BTBD7: variants seen among roughly 807,000 people sequenced by gnomAD.
BTBD7 encodes the protein BTB domain containing 7.
BTBD7 carries 38 observed loss-of-function variants against 99.9 expected under a neutral mutation model. The observed-to-expected ratio is 0.38, with a 90% confidence interval of 0.29 to 0.50. The LOEUF is 0.50. Ranked by LOEUF, BTBD7 falls within the 20% of genes least tolerant of loss-of-function variation. The pLI, the probability that BTBD7 is intolerant of heterozygous loss-of-function variation, is 0.93. For synonymous variants in BTBD7, 520 were observed against 511.4 expected (o/e 1.02, Z -0.23); for missense variants, 1,170 against 1,394.6 (o/e 0.84, Z 2.57).
intron 1 of BTBD7, among the ~76,000 whole-genome samples, chr14:93,314,701 G>A (rs750549146): frequency 2.1e-4 from 32 of 152,242 alleles, no homozygotes; most frequent in Non-Finnish European, 4.4e-5. Context: ...TGGGTTAAAG[G>A]ATATACATGT....
intron 1 of BTBD7, 137 bp from the exon 2 acceptor site, chr14:93,296,294 A>T: frequency 1.7e-6 from 1 of 578,890 alleles, no homozygotes; most frequent in South Asian, 4.9e-5. Flanking sequence ...AAATTTTCAT[A>T]AAATGTAAAT....
rs2052891360 is a variant in BTBD7 at position 93,294,040 on chromosome 14, A to G, written c.980T>C (p.Val327Ala). The G allele has an allele frequency of 6.2e-7, 1 of 1,613,848 alleles. No individual in the cohort carries two copies. The highest frequency in any genetic ancestry group is 1.3e-5 in the African/African-American group (1 of 74,896). Residue 327 changes from valine to alanine, a missense_variant, in exon 3 of 11, where the codon GTG (valine) becomes GCG (alanine). Physicochemically the swap from Val to Ala is moderately conservative, Grantham distance 64. Around this residue, in one of 4 missense-constraint regions of BTBD7, gnomAD observed 359 missense variants for 497.9 expected, o/e 0.72. Transcript: ENST00000334746. The part of the protein sequence containing the change: ...ESIIPKKYAT[V>A]ILHCMYTDVV... ...GTCGGTATACATACAGTGTAATATCACTGTTGCATATTTTTTTGGTATAAT... is the reference window on the plus strand; with the variant it reads ...GTCGGTATACATACAGTGTAATATCGCTGTTGCATATTTTTTTGGTATAAT...
chr14:93,322,289 CT>C (rs956506735), intron 1 of BTBD7, among the ~76,000 whole-genome samples: 6 of 148,834 alleles, frequency 4.0e-5, no homozygotes, highest in Admixed American at 6.7e-5. Context: ...AATTTTTAAA[CT>C]TTTTTTTTTG....
chr14:93,270,686 C>T (rs1391813068), intron 3 of BTBD7, among the ~76,000 whole-genome samples: 3 of 147,752 alleles, frequency 2.0e-5, no homozygotes, highest in Admixed American at 1.3e-4. Context: ...CAGAGCGAGA[C>T]TCTTGTCTCA....
At chr14:93,302,919 A>G (rs1021810469) in intron 1 of BTBD7, among the ~76,000 whole-genome samples, 5 of 148,616 alleles carry the variant, frequency 3.4e-5, no homozygotes, top group Non-Finnish European at 5.9e-5. Context: ...AGGCTGAGGC[A>G]AGAGGATCGT....
At chr14:93,300,772 G>GTGTATA (rs1438410480) in intron 1 of BTBD7, among the ~76,000 whole-genome samples, 11 of 67,864 alleles carry the variant, frequency 1.6e-4, no homozygotes, top group East Asian at 8.8e-4. Context: ...GTGTGTGTGT[G>GTGTATA]TATATATATA....
chr14:93,332,302 A>ACCCGGACAATCTAACTTC (rs2053443370), intron 1 of BTBD7: 1 of 152,234 alleles, frequency 6.6e-6, no homozygotes, highest in Non-Finnish European at 1.5e-5. Flanking sequence ...ATAGTAACTT[A>ACCCGGACAATCTAACTTC]CCCGGACAAT....
chr14:93,288,230 T>A (rs1424781953), intron 3 of BTBD7: 2 of 413,088 alleles, frequency 4.8e-6, no homozygotes, highest in African/African-American at 4.1e-5. Context: ...ACTCCTTAGA[T>A]ACTGTCTTCT....
At chr14:93,253,108 G>A (rs947065085) in intron 7 of BTBD7, among the ~76,000 whole-genome samples, 8 of 152,088 alleles carry the variant, frequency 5.3e-5, no homozygotes, top group African/African-American at 9.7e-5. Context: ...TCACATTACC[G>A]TATTTTCTGG....
chr14:93,324,925 A>G (rs2053310566), intron 1 of BTBD7, among the ~76,000 whole-genome samples: 1 of 152,166 alleles, frequency 6.6e-6, no homozygotes. Flanking sequence ...TAGGCAAAGA[A>G]TAAGAACTCC....
At chr14:93,320,427 T>C (rs760099931) in intron 1 of BTBD7, among the ~76,000 whole-genome samples, 29 of 152,156 alleles carry the variant, frequency 1.9e-4, no homozygotes, top group Admixed American at 1.3e-4. Context: ...AACAAAGAAT[T>C]ACCTGGCCCC....
At chr14:93,272,903 G>GAC (rs1228264879) in intron 3 of BTBD7, among the ~76,000 whole-genome samples, 2 of 152,152 alleles carry the variant, frequency 1.3e-5, no homozygotes, top group African/African-American at 2.4e-5. Flanking sequence ...TCAGCTCAAT[G>GAC]ACACACTCTT....
intron 5 of BTBD7, among the ~76,000 whole-genome samples, chr14:93,258,222 T>C (rs1030615582): frequency 1.3e-5 from 2 of 149,222 alleles, no homozygotes; most frequent in African/African-American, 4.9e-5. Flanking sequence ...TGTGTGTGTA[T>C]GAGAGAGAGA....
intron 8 of BTBD7, 114 bp downstream of exon 8, chr14:93,251,349 A>C (rs1003354088): frequency 1.1e-5 from 13 of 1,151,156 alleles, no homozygotes; most frequent in Admixed American, 2.6e-5. Context: ...ACAAGGCATA[A>C]AAAGTATTGA....
intron 1 of BTBD7, among the ~76,000 whole-genome samples, chr14:93,302,437 G>T (rs2053016086): frequency 6.6e-6 from 1 of 152,214 alleles, no homozygotes; most frequent in South Asian, 2.1e-4. Flanking sequence ...GTACATATCA[G>T]AGGGGACGAC....
At chr14:93,246,371 G>C (rs2052311357) in intron 9 of BTBD7, 85 bp from the exon 10 acceptor site, 1 of 1,335,072 alleles carries the variant, frequency 7.5e-7, no homozygotes, top group Non-Finnish European at 9.9e-7. Flanking sequence ...AATTAAGTGA[G>C]GTACTTAAGA....
intron 6 of BTBD7, chr14:93,256,965 C>T: frequency 2.1e-6 from 1 of 482,554 alleles, no homozygotes; most frequent in Non-Finnish European, 3.6e-6. Flanking sequence ...AATGCTCTTG[C>T]ATGAGTAAGA....
At chr14:93,276,709 T>C (rs933764833) in intron 3 of BTBD7, among the ~76,000 whole-genome samples, 1 of 152,052 alleles carries the variant, frequency 6.6e-6, no homozygotes, top group African/African-American at 2.4e-5. Context: ...AGGTACACAA[T>C]GTTTATATTC....
chr14:93,265,609 T>C (rs2052533655), intron 3 of BTBD7, among the ~76,000 whole-genome samples: 1 of 152,244 alleles, frequency 6.6e-6, no homozygotes, highest in African/African-American at 2.4e-5. Context: ...GAGTGGGAAG[T>C]TGGTTTTTGC....
Sources: gnomAD v4.1 joint callset for allele counts (sites outside exome capture counted in the v4.1 genomes callset) on GRCh38, gnomAD v4.1.1 for gene constraint, gnomAD v4.1.1 regional missense constraint, MANE v1.5 for transcripts, NCBI Gene and HGNC (gene_info 2026-07-23, HGNC 2026-07-21) for gene names.